FUT9: variants seen among roughly 807,000 people sequenced by gnomAD.
FUT9 encodes fucosyltransferase 9.
A neutral mutation model predicts 29.7 loss-of-function variants in FUT9; 15 were observed. The observed-to-expected ratio is 0.51, with a 90% confidence interval of 0.34 to 0.78. FUT9 has a LOEUF of 0.78. Among genes scored for constraint, FUT9 ranks in the 30% least tolerant of loss-of-function variants. The pLI is 0.01. For synonymous variants in FUT9, 169 were observed against 153.7 expected (o/e 1.10, Z -0.74); for missense variants, 319 against 425.4 (o/e 0.75, Z 2.20).
Position 96,078,405 on chromosome 6 carries a change from C to CTGATTTTTTTTTT in FUT9, c.-97-35633_-97-35632insGATTTTTTTTTTT, listed in dbSNP as rs1201729276. ...TTTGATCTCTTTCTTTCATATTAGT[C>CTGATTTTTTTTTT]TTCTTTTTTTTTTTTTTTTTTTTTT... On this transcript the variant is annotated intron_variant, in intron 1 of 2. Transcript: ENST00000302103. Among the ~76,000 whole-genome samples the CTGATTTTTTTTTT allele has an allele frequency of 2.4e-4, 11 of 45,172 alleles. No homozygotes were observed. In the South Asian group the frequency reaches 3.0e-3, roughly 12 times the overall value. 29.6% of individuals were successfully genotyped at this position (45,172 alleles called of 152,430 possible).
intron 2 of FUT9, among the ~76,000 whole-genome samples, chr6:96,163,386 G>T (rs150224900): frequency 6.6e-6 from 1 of 150,940 alleles, no homozygotes; most frequent in Admixed American, 6.6e-5. Flanking sequence ...GAGTTATTGC[G>T]GATGAACTGT....
At chr6:96,120,458 T>TTTTTTTTTA (rs1772004961) in intron 2 of FUT9, among the ~76,000 whole-genome samples, 1 of 149,836 alleles carries the variant, frequency 6.7e-6, no homozygotes, top group Admixed American at 6.6e-5. Context: ...ATTTTTTTTT[T>TTTTTTTTTA]AATTTTAGTA....
In FUT9 at chr6:96,149,165, A is replaced by AC. The variant is rs1772630676; in HGVS notation, c.-9+35038_-9+35039insC. Among the ~76,000 whole-genome samples the AC allele has an allele frequency of 1.2e-4, 8 of 68,654 alleles. No individual in the cohort carries two copies. The South Asian group carries it at 7.6e-3, about 65-fold the overall frequency. 45.0% of individuals were successfully genotyped at this position (68,654 alleles called of 152,430 possible). A position where few individuals can be genotyped will look rare whatever the true frequency, so the allele number is the denominator to read the frequency against. On this transcript the variant is annotated intron_variant, in intron 2 of 2. Coordinates refer to ENST00000302103, the MANE Select transcript of FUT9 (RefSeq NM_006581.4). ...GCAACACAGTGAGACTCCAAAAAAA[A>AC]AAAAATTTTTTTTGAACTACTTGAA... is the stretch of plus-strand genomic sequence containing the variant.
At chr6:96,158,448 G>A (rs1312805054) in intron 2 of FUT9, among the ~76,000 whole-genome samples, 1 of 152,008 alleles carries the variant, frequency 6.6e-6, no homozygotes, top group African/African-American at 2.4e-5. Flanking sequence ...TTATTCTTCA[G>A]GAGCATTTTA....
At chr6:96,033,188 G>T (rs747385803) in intron 1 of FUT9, among the ~76,000 whole-genome samples, 3 of 151,592 alleles carry the variant, frequency 2.0e-5, no homozygotes, top group Non-Finnish European at 4.4e-5. Context: ...AATATTAAAA[G>T]CTTATTTGTT....
At chr6:96,194,729 T>G (rs1046576122) in intron 2 of FUT9, among the ~76,000 whole-genome samples, 2 of 151,520 alleles carry the variant, frequency 1.3e-5, no homozygotes, top group Non-Finnish European at 2.9e-5. Flanking sequence ...ATCTGTTGGC[T>G]GCAAGGGACT....
At chr6:96,072,065 T>C (rs1771072501) in intron 1 of FUT9, among the ~76,000 whole-genome samples, 1 of 152,200 alleles carries the variant, frequency 6.6e-6, no homozygotes, top group Non-Finnish European at 1.5e-5. Flanking sequence ...TCCTAGGCAA[T>C]ATAGTAAGAC....
intron 1 of FUT9, among the ~76,000 whole-genome samples, chr6:96,049,538 G>A (rs1217194399): frequency 2.6e-5 from 4 of 152,146 alleles, no homozygotes; most frequent in Non-Finnish European, 5.9e-5. Flanking sequence ...GAGGGCCAAG[G>A]TAAACTATCA....
intron 2 of FUT9, among the ~76,000 whole-genome samples, chr6:96,130,883 A>G (rs1772230468): frequency 6.6e-6 from 1 of 152,116 alleles, no homozygotes; most frequent in Non-Finnish European, 1.5e-5. Flanking sequence ...CTCTGCAGCT[A>G]TTTCTGAACT....
At chr6:96,025,509 A>G (rs551184776) in intron 1 of FUT9, among the ~76,000 whole-genome samples, 1 of 151,870 alleles carries the variant, frequency 6.6e-6, no homozygotes, top group African/African-American at 2.4e-5. Context: ...ATGAGTGTGT[A>G]TATCCTTTGA....
At chr6:96,182,707 A>G (rs1253149637) in intron 2 of FUT9, among the ~76,000 whole-genome samples, 1 of 151,824 alleles carries the variant, frequency 6.6e-6, no homozygotes, top group African/African-American at 2.4e-5. Flanking sequence ...TCCTTTCCTC[A>G]CTTTATGTTT....
At chr6:96,196,548 C>T (rs1384287831) in intron 2 of FUT9, among the ~76,000 whole-genome samples, 1 of 151,936 alleles carries the variant, frequency 6.6e-6, no homozygotes, top group African/African-American at 2.4e-5. Flanking sequence ...CCCATCTCTA[C>T]TAAAAATACA....
rs148910143 is a variant in FUT9 at position 96,049,589 on chromosome 6, C to A, written c.-98+33377C>A. Among the ~76,000 whole-genome samples the A allele has an allele frequency of 2.5e-3, 374 of 152,294 alleles. 2 individuals carry two copies. The highest frequency in any genetic ancestry group is 0.014 in the Middle Eastern group (4 of 294). On this transcript the variant is annotated intron_variant, in intron 1 of 2. Coordinates refer to ENST00000302103, the MANE Select transcript of FUT9 (RefSeq NM_006581.4). The stretch of plus-strand genomic sequence containing the variant: ...AGAGGTGGTTGGTTTTAATACTCAT[C>A]CATTTGTATTAGCATGAGAATAAAT...
At chr6:96,042,813 T>C (rs1770487414) in intron 1 of FUT9, among the ~76,000 whole-genome samples, 1 of 152,162 alleles carries the variant, frequency 6.6e-6, no homozygotes, top group Non-Finnish European at 1.5e-5. Flanking sequence ...CATTATTCTG[T>C]TCATTTCACA....
At chr6:96,117,313 G>A (rs1771930327) in intron 2 of FUT9, among the ~76,000 whole-genome samples, 1 of 152,174 alleles carries the variant, frequency 6.6e-6, no homozygotes, top group African/African-American at 2.4e-5. Flanking sequence ...TAATCAGCAA[G>A]GAGAGATGGC....
intron 2 of FUT9, among the ~76,000 whole-genome samples, chr6:96,173,244 C>G (rs949848372): frequency 6.6e-6 from 1 of 151,290 alleles, no homozygotes; most frequent in Admixed American, 6.6e-5. Flanking sequence ...TATGTAGACA[C>G]TAGTCTCTCT....
At chr6:96,174,923 G>GA (rs1330253887) in intron 2 of FUT9, among the ~76,000 whole-genome samples, 14 of 152,072 alleles carry the variant, frequency 9.2e-5, no homozygotes, top group African/African-American at 2.4e-4. Context: ...TGTGCATTTA[G>GA]AAAAAATCAT....
At chr6:96,130,840 T>C (rs1333978636) in intron 2 of FUT9, among the ~76,000 whole-genome samples, 1 of 152,192 alleles carries the variant, frequency 6.6e-6, no homozygotes, top group African/African-American at 2.4e-5. Context: ...TGCTTTTCTC[T>C]TTACTGTGGC....
intron 2 of FUT9, among the ~76,000 whole-genome samples, chr6:96,184,004 T>C (rs1773359069): frequency 6.6e-6 from 1 of 152,104 alleles, no homozygotes; most frequent in Admixed American, 6.6e-5. Flanking sequence ...TGTGGAATAG[T>C]CTCAATAGGA....
Sources: gnomAD v4.1 joint callset for allele counts (sites outside exome capture counted in the v4.1 genomes callset) on GRCh38, gnomAD v4.1.1 for gene constraint, MANE v1.5 for transcripts, NCBI Gene and HGNC (gene_info 2026-07-23, HGNC 2026-07-21) for gene names.